The following CDKAL1 variants were observed in gnomAD, a reference collection of about 807,000 sequenced individuals.
The protein encoded by CDKAL1 is CDKAL1 threonylcarbamoyladenosine tRNA methylthiotransferase.
A neutral mutation model predicts 68.2 loss-of-function variants in CDKAL1; 32 were observed. The ratio of observed to expected loss-of-function variants is 0.47; its 90% confidence interval spans 0.35 to 0.63. CDKAL1 has a LOEUF of 0.63. CDKAL1 is among the 30% of genes least tolerant of loss of function. The pLI is 0.00. For missense variants in CDKAL1, 606 were observed against 696.7 expected (o/e 0.87, Z 1.47); for synonymous variants, 234 against 244.3 (o/e 0.96, Z 0.39).
intron 12 of CDKAL1, among the ~76,000 whole-genome samples, chr6:21,104,414 T>C (rs1773739842): frequency 6.6e-6 from 1 of 152,076 alleles, no homozygotes; most frequent in South Asian, 2.1e-4. Context: ...GAAGTAGACA[T>C]AGTCAGGGAT....
At chr6:21,206,120 C>T (rs1388756231) in intron 15 of CDKAL1, among the ~76,000 whole-genome samples, 2 of 152,096 alleles carry the variant, frequency 1.3e-5, no homozygotes, top group East Asian at 1.9e-4. Flanking sequence ...CGTGAGCCAC[C>T]ACACCGGACC....
At position 20,980,192 on chromosome 6, in the gene CDKAL1, G is replaced by GATAGATATAGATATAGATATAGAT. The variant is rs61624482; in HGVS notation, c.910-20013_910-19990dup. ...TTCTGATTAGAAGCCTCCAAAGATA[G>GATAGATATAGATATAGATATAGAT]ATAGATATAGATATAGATATAGATA... On this transcript the variant is annotated intron_variant, in intron 10 of 15. Transcript: ENST00000274695. 9.1e-4 allele frequency among the ~76,000 whole-genome samples: 135 copies of GATAGATATAGATATAGATATAGAT among 149,082 alleles called. 2 individuals are homozygous for GATAGATATAGATATAGATATAGAT. Among genetic ancestry groups the GATAGATATAGATATAGATATAGAT allele is most frequent in the African/African-American group, 2.8e-3 (114 of 40,398 alleles).
At chr6:21,140,821 T>C (rs962624606) in intron 13 of CDKAL1, among the ~76,000 whole-genome samples, 26 of 151,984 alleles carry the variant, frequency 1.7e-4, no homozygotes, top group Non-Finnish European at 3.8e-4. Context: ...TACCCGAGAC[T>C]GGGAAGAAAA....
At chr6:21,227,160 G>T (rs1031597280) in intron 15 of CDKAL1, among the ~76,000 whole-genome samples, 12 of 152,196 alleles carry the variant, frequency 7.9e-5, no homozygotes, top group Non-Finnish European at 1.8e-4. Flanking sequence ...CTAGAACTAC[G>T]CTTGTCGTGT....
intron 5 of CDKAL1, among the ~76,000 whole-genome samples, chr6:20,717,730 T>G (rs1369544616): frequency 6.6e-6 from 1 of 152,202 alleles, no homozygotes; most frequent in Non-Finnish European, 1.5e-5. Context: ...TGAATATGTT[T>G]TCTTTAAACA....
At chr6:21,201,451 C>A (rs1273768473) in intron 15 of CDKAL1, among the ~76,000 whole-genome samples, 177 bp downstream of exon 15, 1 of 152,164 alleles carries the variant, frequency 6.6e-6, no homozygotes, top group Non-Finnish European at 1.5e-5. Context: ...TTGCTGATGC[C>A]GATAGCTTTG....
chr6:21,102,116 T>C (rs1347457633), intron 12 of CDKAL1, among the ~76,000 whole-genome samples: 1 of 152,180 alleles, frequency 6.6e-6, no homozygotes, highest in African/African-American at 2.4e-5. Flanking sequence ...TCATTTAGCC[T>C]TTCTTCAGCC....
intron 10 of CDKAL1, among the ~76,000 whole-genome samples, chr6:20,966,950 T>C (rs1164084663): frequency 6.6e-6 from 1 of 152,232 alleles, no homozygotes; most frequent in Non-Finnish European, 1.5e-5. Context: ...TATTGGTTTA[T>C]CTGTTGTAAC....
At position 21,196,377 on chromosome 6, in the gene CDKAL1, CCATTGAAGCTCAA is replaced by C. The variant is rs140582626; in HGVS notation, c.1300-1640_1300-1628del. Among the ~76,000 whole-genome samples, 982 of 152,260 alleles carry C rather than the reference CCATTGAAGCTCAA, an allele frequency of 6.4e-3. 15 individuals carry two copies. Among genetic ancestry groups the C allele is most frequent in the East Asian group, 0.052 (268 of 5,186 alleles). On this transcript the variant is annotated intron_variant, in intron 13 of 15. Transcript: ENST00000274695. Reference sequence around the variant, plus strand: ...CACCAGCCCTTTTTGATAAACAGAGCCATTGAAGCTCAACATGGAAGTTGGGGGAAATTTCTTT... The same window carrying C: ...CACCAGCCCTTTTTGATAAACAGAGCCATGGAAGTTGGGGGAAATTTCTTT...
chr6:21,004,602 T>G (rs555192079), intron 11 of CDKAL1, among the ~76,000 whole-genome samples: 1 of 152,266 alleles, frequency 6.6e-6, no homozygotes, highest in South Asian at 2.1e-4. Context: ...AAGTATAAAA[T>G]GGGATTTGTA....
At chr6:20,636,851 A>T (rs571312084) in intron 4 of CDKAL1, among the ~76,000 whole-genome samples, 1 of 152,210 alleles carries the variant, frequency 6.6e-6, no homozygotes, top group South Asian at 2.1e-4. Context: ...AGCCTGGCCA[A>T]CATGGTGAAA....
chr6:20,745,135 A>G (rs1311798549), intron 6 of CDKAL1, among the ~76,000 whole-genome samples: 2 of 152,368 alleles, frequency 1.3e-5, no homozygotes, highest in Non-Finnish European at 2.9e-5. Flanking sequence ...AGGGACTATT[A>G]GCAGGTTGAT....
intron 12 of CDKAL1, among the ~76,000 whole-genome samples, chr6:21,091,330 A>C (rs1326324740): frequency 6.6e-6 from 1 of 152,190 alleles, no homozygotes; most frequent in East Asian, 1.9e-4. Flanking sequence ...CTAAATGCCA[A>C]CCTAGCAGTG....
chr6:20,895,668 A>G lies in CDKAL1; in HGVS notation c.742+49490A>G, dbSNP rs960550940. ...GATTTGCAAGTAACATCTAACATCA[A>G]CAGTCGTGAGAAGTCTGCCATGTCT... On this transcript the variant is annotated intron_variant, in intron 9 of 15. Coordinates refer to ENST00000274695, the MANE Select transcript of CDKAL1 (RefSeq NM_017774.3). 2.0e-5 allele frequency among the ~76,000 whole-genome samples: 3 copies of G among 152,186 alleles called. No homozygotes were observed. In the East Asian group the frequency reaches 5.8e-4, roughly 29 times the overall value.
chr6:21,056,961 A>G (rs1196723093), intron 11 of CDKAL1, among the ~76,000 whole-genome samples: 1 of 152,188 alleles, frequency 6.6e-6, no homozygotes, highest in Non-Finnish European at 1.5e-5. Flanking sequence ...GATGTTCATC[A>G]GGGATAGTGG....
intron 9 of CDKAL1, among the ~76,000 whole-genome samples, chr6:20,936,786 C>T (rs955345016): frequency 2.6e-5 from 4 of 152,118 alleles, no homozygotes; most frequent in Non-Finnish European, 4.4e-5. Context: ...ATTTTAGAAG[C>T]ACCATAACAG....
intron 11 of CDKAL1, among the ~76,000 whole-genome samples, chr6:21,050,650 T>C (rs569654881): frequency 6.6e-6 from 1 of 152,180 alleles, no homozygotes; most frequent in African/African-American, 2.4e-5. Flanking sequence ...CACTCAAAGG[T>C]GGGCATGACA....
At chr6:20,541,156 G>A (rs780796726) in intron 2 of CDKAL1, among the ~76,000 whole-genome samples, 1 of 152,064 alleles carries the variant, frequency 6.6e-6, no homozygotes, top group Non-Finnish European at 1.5e-5. Context: ...TTCCAGATAG[G>A]TAGTAAATAA....
At chr6:20,881,938 T>G (rs1180327326) in intron 9 of CDKAL1, among the ~76,000 whole-genome samples, 1 of 152,202 alleles carries the variant, frequency 6.6e-6, no homozygotes, top group Non-Finnish European at 1.5e-5. Flanking sequence ...AGTCAAACTC[T>G]CTTATCGCTG....
Sources: gnomAD v4.1 joint callset for allele counts (sites outside exome capture counted in the v4.1 genomes callset) on GRCh38, gnomAD v4.1.1 for gene constraint, MANE v1.5 for transcripts, NCBI Gene and HGNC (gene_info 2026-07-23, HGNC 2026-07-21) for gene names.